The following MACF1 variants were observed in gnomAD, a reference collection of about 807,000 sequenced individuals.
MACF1 encodes microtubule-actin cross-linking factor 1.
In MACF1, 193 loss-of-function variants were observed where a neutral mutation model predicts 854.8. That is an observed-to-expected ratio of 0.23 (90% CI 0.20 to 0.25). MACF1 has a LOEUF of 0.25. Ranked by LOEUF, MACF1 falls within the 10% of genes least tolerant of loss-of-function variation. The probability of loss-of-function intolerance (pLI) is 1.00; values close to 1 mark genes in which losing one functional copy is unlikely to be tolerated. For synonymous variants in MACF1, 3,185 were observed against 3,226.7 expected (o/e 0.99, Z 0.44); for missense variants, 7,722 against 8,929.1 (o/e 0.86, Z 5.45).
intron 52 of MACF1, among the ~76,000 whole-genome samples, chr1:39,375,064 C>T (rs142278334): frequency 0.055 from 8,400 of 151,568 alleles, 291 homozygotes; most frequent in African/African-American, 0.098. Context: ...GAGCTGAGAT[C>T]GCACCACTGC....
intron 2 of MACF1, among the ~76,000 whole-genome samples, chr1:39,174,438 G>A (rs931404928): frequency 6.6e-6 from 1 of 152,066 alleles, no homozygotes; most frequent in Non-Finnish European, 1.5e-5. Flanking sequence ...TTATTTTTTC[G>A]ATTAGTAATT....
At chr1:39,282,797 G>A (rs1386212824) in intron 7 of MACF1, among the ~76,000 whole-genome samples, 1 of 152,172 alleles carries the variant, frequency 6.6e-6, no homozygotes, top group African/African-American at 2.4e-5. Flanking sequence ...AAATACAAAT[G>A]CAAAGGGCCT....
rs761734896 is a variant in MACF1, at chr1:39,084,272, G to T, written c.54G>T (p.Arg18=). Residue 18 remains arginine (R), a synonymous_variant, in exon 2 of 94, where the codon CGG becomes CGT. Coordinates refer to the MACF1 transcript ENST00000361689. This position sits in a 1 kb window ranked among gnomAD's most constrained non-coding sequence, Gnocchi z 5.2. ...GTGAGCGGTCATGTCGGAGTGAGCG[G>T]TCTTGTCGGAGTGAGCGATCTTACA... The T allele has an allele frequency of 1.2e-6, 2 of 1,613,442 alleles. No homozygotes were observed. Among genetic ancestry groups the T allele is most frequent in the African/African-American group, 2.7e-5 (2 of 74,828 alleles).
intron 2 of MACF1, among the ~76,000 whole-genome samples, chr1:39,241,933 C>A (rs1644928866): frequency 6.6e-6 from 1 of 152,152 alleles, no homozygotes; most frequent in African/African-American, 2.4e-5. Flanking sequence ...ATTAAGTAAT[C>A]TTTAAAGTCC....
Position 39,335,280 on chromosome 1 carries a change from G to T in MACF1, c.8692G>T (p.Ala2898Ser). ...ATGTGATTTTAAACTTAAAGAAGTG[G>T]CTAGAAATAACATGGGAAATGATAC... is the stretch of plus-strand genomic sequence containing the variant. ...SECDFKLKEV[A>S]RNNMGNDTNE... is the part of the protein sequence containing the mutation. Residue 2898 changes from alanine (A) to serine (S), a missense_variant, in exon 37 of 101, where the codon GCT becomes TCT. Around this residue, in one of 15 missense-constraint regions of MACF1, gnomAD observed 854 missense variants for 852.6 expected, o/e 1.00. Coordinates refer to ENST00000564288, the MANE Select transcript of MACF1 (RefSeq NM_001394062.1). 1.2e-6 allele frequency: 2 copies of T among 1,614,002 alleles called. No homozygotes were observed. Among genetic ancestry groups the T allele is most frequent in the South Asian group, 2.2e-5 (2 of 91,058 alleles).
intron 2 of MACF1, among the ~76,000 whole-genome samples, chr1:39,160,881 A>G (rs1643784643): frequency 6.6e-6 from 1 of 152,198 alleles, no homozygotes; most frequent in Non-Finnish European, 1.5e-5. Flanking sequence ...ATCTTTGTGT[A>G]TTCCAGAAGG....
At position 39,231,250 on chromosome 1, in the gene MACF1, C is replaced by G. The variant is rs1644773965; in HGVS notation, c.171+7C>G. On this transcript the variant is annotated splice_region_variant and intron_variant, in intron 2 of 100. Transcript: ENST00000564288. ...CAACAAGCACTTAATGAAGGTAGGA[C>G]CCTTTCATATATATGCTGCCCCAGC... 3 of 1,613,252 alleles carry G rather than the reference C, an allele frequency of 1.9e-6. No individual in the cohort carries two copies. The South Asian group carries it at 3.3e-5, about 18-fold the overall frequency.
chr1:39,362,451 C>T (rs755588135), intron 49 of MACF1, among the ~76,000 whole-genome samples: 2 of 152,184 alleles, frequency 1.3e-5, no homozygotes, highest in Non-Finnish European at 2.9e-5. Context: ...ATACTCTTCA[C>T]CTAGATTCAC....
intron 2 of MACF1, among the ~76,000 whole-genome samples, chr1:39,173,338 C>CAAAAAAA (rs10636583): frequency 9.9e-6 from 1 of 100,994 alleles, no homozygotes. Flanking sequence ...GACTCCATCT[C>CAAAAAAA]AAAAAAAAAA....
chr1:39,408,744 G>T (rs1569928712), intron 58 of MACF1, among the ~76,000 whole-genome samples: 2 of 152,158 alleles, frequency 1.3e-5, no homozygotes, highest in Admixed American at 1.3e-4. Flanking sequence ...CTCTCCTTGC[G>T]CCCTCTCCGG....
chr1:39,380,521 G>T, intron 55 of MACF1, 148 bp downstream of exon 55: 2 of 805,306 alleles, frequency 2.5e-6, no homozygotes, highest in Admixed American at 3.3e-5. Flanking sequence ...CAGAGCATGA[G>T]CCTGAATTGG....
At chr1:39,317,071 C>A in intron 28 of MACF1, 143 bp from the exon 29 acceptor site, 1 of 788,754 alleles carries the variant, frequency 1.3e-6, no homozygotes, top group Non-Finnish European at 2.0e-6. Flanking sequence ...CATGTGGAGG[C>A]AGTCCTGGCA....
intron 28 of MACF1, among the ~76,000 whole-genome samples, chr1:39,316,775 A>G (rs1038281479): frequency 1.3e-5 from 2 of 152,210 alleles, no homozygotes; most frequent in Non-Finnish European, 2.9e-5. Context: ...TAATAAAATC[A>G]TGGATTAATT....
chr1:39,430,604 G>T lies in MACF1; in HGVS notation c.17131-98G>T. 3 of 898,138 alleles carry T rather than the reference G, an allele frequency of 3.3e-6. No homozygotes were observed. The South Asian group carries it at 4.3e-5, about 13-fold the overall frequency. The allele number at this position is 898,138 out of a possible 1,614,324, so 55.6% of individuals were successfully genotyped here. On this transcript the variant is annotated intron_variant, in intron 65 of 100. Coordinates refer to ENST00000564288, the MANE Select transcript of MACF1 (RefSeq NM_001394062.1). ...ACTGAAGGAAGGAGGTCAGAGTCCT[G>T]CTGGGATGTGTGGTAGAGATAGCAA... is the stretch of plus-strand genomic sequence containing the variant.
At chr1:39,375,039 G>A (rs149205321) in intron 52 of MACF1, among the ~76,000 whole-genome samples, 8,397 of 151,200 alleles carry the variant, frequency 0.056, 291 homozygotes, top group African/African-American at 0.098. Context: ...GAACCCGGGA[G>A]GCAGAGCTTG....
chr1:39,102,438 G>C (rs901625723), intron 2 of MACF1, among the ~76,000 whole-genome samples: 5 of 145,180 alleles, frequency 3.4e-5, no homozygotes, highest in South Asian at 2.2e-4. Flanking sequence ...TGGAGGCGGG[G>C]GGGGGGTCAA....
At chr1:39,173,639 G>A (rs75759574) in intron 2 of MACF1, among the ~76,000 whole-genome samples, 3,475 of 152,272 alleles carry the variant, frequency 0.023, 79 homozygotes, top group East Asian at 0.13. Flanking sequence ...AGACAATCAG[G>A]AGTAGAGACT....
intron 26 of MACF1, among the ~76,000 whole-genome samples, chr1:39,312,803 C>T (rs1646328060): frequency 6.6e-6 from 1 of 152,112 alleles, no homozygotes; most frequent in East Asian, 1.9e-4. Context: ...CCAGCCTGGG[C>T]AACAGAGCAA....
intron 80 of MACF1, among the ~76,000 whole-genome samples, chr1:39,446,686 G>C (rs1204585814): frequency 6.6e-6 from 1 of 152,234 alleles, no homozygotes; most frequent in African/African-American, 2.4e-5. Context: ...TGCCTAGTAG[G>C]GGGGCCAGAG....
Sources: gnomAD v4.1 joint callset for allele counts (sites outside exome capture counted in the v4.1 genomes callset) on GRCh38, gnomAD v4.1.1 for gene constraint, gnomAD v4.1.1 regional missense constraint, Gnocchi (gnomAD v3.1) non-coding constraint, MANE v1.5 for transcripts, NCBI Gene and HGNC (gene_info 2026-07-23, HGNC 2026-07-21) for gene names.